SELE: variants seen among roughly 807,000 people sequenced by gnomAD.
The protein encoded by SELE is selectin E.
A neutral mutation model predicts 75.8 loss-of-function variants in SELE; 52 were observed. The observed-to-expected ratio is 0.69, with a 90% CI of 0.55 to 0.86. The LOEUF is 0.86. Among genes scored for constraint, SELE ranks in the 40% least tolerant of loss-of-function variants. The pLI is 0.00. For synonymous variants in SELE, 285 were observed against 258.7 expected, an observed-to-expected ratio of 1.10 and a Z score of -0.98; for missense variants, 754 against 732.7, an observed-to-expected ratio of 1.03 and a Z score of -0.34.
Position 169,724,394 on chromosome 1 carries a change from G to A in SELE, c.*131C>T, listed in dbSNP as rs903781930. On this transcript the variant is annotated 3_prime_UTR_variant, in exon 14 of 14. Transcript: ENST00000333360. Reference sequence around the variant, plus strand: ...CTATTGAAGTGGTGATGGGTGTTGCGGTTTCAGCCATAAAGGCATCTGGCA... The same window carrying A: ...CTATTGAAGTGGTGATGGGTGTTGCAGTTTCAGCCATAAAGGCATCTGGCA... The A allele has an allele frequency of 7.2e-5, 11 of 152,264 alleles. No homozygotes were observed. Among genetic ancestry groups the A allele is most frequent in the South Asian group, 6.2e-4 (3 of 4,824 alleles). The allele number at this position is 152,264 out of a possible 1,614,324, so 9.4% of individuals were successfully genotyped here. A position where few individuals can be genotyped will look rare whatever the true frequency, so the allele number is the denominator to read the frequency against.
Position 169,732,644 on chromosome 1 carries a change from C to T in SELE, c.392G>A (p.Ser131Asn), listed in dbSNP as rs753149508. 29 of 1,607,944 alleles carry T rather than the reference C, an allele frequency of 1.8e-5. No homozygotes were observed. The East Asian group carries it at 5.3e-4, about 30-fold the overall frequency. The change falls in exon 3 of 14, where the codon AGC (serine) becomes AAC (asparagine). Residue 131 changes from serine to asparagine, a missense_variant. Physicochemically the swap from Ser to Asn is conservative, Grantham distance 46. Coordinates refer to ENST00000333360, the MANE Select transcript of SELE (RefSeq NM_000450.2). ...DVGMWNDERCSKKKLALCYTA... is the reference protein window; with the variant it reads ...DVGMWNDERCNKKKLALCYTA... ...GTAGCATAGGGCAAGCTTCTTCTTG[C>T]TGCACCTCTCATCATTCCACATGCC...
rs770008382 is a variant in SELE, at chr1:169,729,496, G to A, written c.893C>T (p.Thr298Met). The change falls in exon 6 of 14, where the codon ACG becomes ATG. Residue 298 changes from threonine (T) to methionine (M), a missense_variant. Physicochemically the swap from Thr to Met is moderately conservative, Grantham distance 81. Transcript: ENST00000333360. ...ATGTGGAACAACTCTACCTTTACAC[G>A]TTGGCTTCTCGTTGTCCCAATTCCC... is the stretch of plus-strand genomic sequence containing the variant. ...SSGNWDNEKP[T>M]CKAVTCRAVR... 17 of 1,613,950 alleles carry A rather than the reference G, an allele frequency of 1.1e-5. No individual in the cohort carries two copies. Among genetic ancestry groups the A allele is most frequent in the East Asian group, 4.5e-5 (2 of 44,900 alleles).
In SELE at chr1:169,728,110, C is replaced by G; in HGVS notation, c.1227G>C (p.Arg409Ser). Residue 409 changes from arginine (R) to serine (S), a missense_variant, in exon 8 of 14, where the codon AGG becomes AGC. By Grantham distance (110) the Arg-to-Ser change is moderately radical. Transcript: ENST00000333360. ...ACTCCCCTGTGGGGCCACATTGGAG[C>G]CTTTTGGATCCCTTCAACACAAAAC... ...EQGFVLKGSK[R>S]LQCGPTGEWD... is the part of the protein sequence containing the mutation. 6.2e-7 allele frequency: 1 copy of G among 1,614,190 alleles called. No individual in the cohort carries two copies. Among genetic ancestry groups the G allele is most frequent in the Admixed American group, 1.7e-5 (1 of 60,030 alleles).
intron 2 of SELE, 58 bp downstream of exon 2, chr1:169,733,518 A>G (rs1648971052): frequency 2.6e-6 from 4 of 1,525,258 alleles, no homozygotes; most frequent in South Asian, 2.2e-5. Context: ...AGGATATTTC[A>G]GTCTGAAATA....
In SELE at chr1:169,732,906, A is replaced by G. The variant is rs549719282; in HGVS notation, c.130T>C (p.Tyr44His). 1.2e-5 allele frequency: 19 copies of G among 1,614,094 alleles called. No homozygotes were observed. In the Admixed American group the frequency reaches 2.5e-4, roughly 21 times the overall value. Residue 44 changes from tyrosine (Y) to histidine (H), a missense_variant, in exon 3 of 14, where the codon TAC becomes CAC. Transcript: ENST00000333360. ...DEASAYCQQR[Y>H]THLVAIQNKE... is the part of the protein sequence containing the mutation. ...TTTTGAATTGCAACCAGGTGTGTGT[A>G]CCTTTGCTGACAATAAGCACTGGCC... is the stretch of plus-strand genomic sequence containing the variant.
rs904578641 is a variant in SELE, at chr1:169,727,293, T to C, written c.1645+56A>G. 5.2e-6 allele frequency: 8 copies of C among 1,550,754 alleles called. No individual in the cohort carries two copies. In the African/African-American group the frequency reaches 9.6e-5, roughly 19 times the overall value. On this transcript the variant is annotated intron_variant, in intron 10 of 13. Coordinates refer to ENST00000333360, the MANE Select transcript of SELE (RefSeq NM_000450.2). ...TGAATAGTTGATTACTGTAACAAGA[T>C]AGCTCCCCCTTTTTCTTTTTAATCA... is the stretch of plus-strand genomic sequence containing the variant.
In SELE at chr1:169,729,626, A is replaced by G. The variant is rs1648860068; in HGVS notation, c.763T>C (p.Cys255Arg). 1 of 1,614,042 alleles carries G rather than the reference A, an allele frequency of 6.2e-7. No homozygotes were observed. The highest frequency in any genetic ancestry group is 1.7e-5 in the Admixed American group (1 of 59,998). ...VTNPANGFVE[C>R]FQNPGSFPWN... ...GGGAAGCTTCCAGGGTTTTGGAAAC[A>G]TTCCACGAACCCATTGGCTGGATTT... Residue 255 changes from cysteine to arginine, a missense_variant, in exon 6 of 14, where the codon TGT (cysteine) becomes CGT (arginine). Transcript: ENST00000333360.
chr1:169,729,176 T>C lies in SELE; in HGVS notation c.1090+10A>G, dbSNP rs1002748426. The C allele has an allele frequency of 6.3e-7, 1 of 1,593,642 alleles. No homozygotes were observed. The highest frequency in any genetic ancestry group is 8.6e-7 in the Non-Finnish European group (1 of 1,168,268). On this transcript the variant is annotated intron_variant, in intron 7 of 13. Transcript: ENST00000333360. ...TTAAGAAAGTATAAATCGAAGGATCTCAAGCTTACCTTCACAAACTGGGAT... is the reference window on the plus strand; with the variant it reads ...TTAAGAAAGTATAAATCGAAGGATCCCAAGCTTACCTTCACAAACTGGGAT...
intron 3 of SELE, 115 bp from the exon 4 acceptor site, chr1:169,732,057 T>C (rs1382476698): frequency 8.1e-6 from 5 of 616,746 alleles, no homozygotes; most frequent in East Asian, 6.2e-5. Context: ...CAGAGTGCCA[T>C]AGACTTTAAC....
chr1:169,733,208 C>T (rs1425562596), intron 2 of SELE, among the ~76,000 whole-genome samples: 1 of 152,196 alleles, frequency 6.6e-6, no homozygotes, highest in East Asian at 1.9e-4. Context: ...ACCTTATCCA[C>T]ACTCACTCAC....
At chr1:169,733,055 T>C in intron 2 of SELE, 57 bp from the exon 3 acceptor site, 1 of 1,465,022 alleles carries the variant, frequency 6.8e-7, no homozygotes, top group Non-Finnish European at 9.0e-7. Flanking sequence ...GGTTTAACTC[T>C]GACAACTGTG....
At position 169,726,729 on chromosome 1, in the gene SELE, G is replaced by A. The variant is rs5355; in HGVS notation, c.1723C>T (p.Leu575Phe). 0.042 allele frequency: 68,298 copies of A among 1,613,330 alleles called. 1,727 individuals are homozygous for A. The highest frequency in any genetic ancestry group is 0.092 in the South Asian group (8,335 of 90,968). ...GLSLLTLAPF[L>F]LWLRKCLRKA... Reference sequence around the variant, plus strand: ...CGTAAGCATTTCCGAAGCCAGAGGAGAAATGGTGCTAATGTCAGGAGGGAG... The same window carrying A: ...CGTAAGCATTTCCGAAGCCAGAGGAAAAATGGTGCTAATGTCAGGAGGGAG... The change falls in exon 11 of 14, where the codon CTC (leucine) becomes TTC (phenylalanine). Residue 575 changes from leucine to phenylalanine, a missense_variant. Leu to Phe is a conservative substitution (Grantham distance 22, BLOSUM62 0). Transcript: ENST00000333360.
intron 5 of SELE, among the ~76,000 whole-genome samples, chr1:169,730,165 A>T (rs1217449710): frequency 6.6e-6 from 1 of 152,140 alleles, no homozygotes; most frequent in African/African-American, 2.4e-5. Context: ...ATCCATTGAG[A>T]TTTCTAGAGC....
chr1:169,724,329 CTT>C lies in SELE; in HGVS notation c.*194_*195del, dbSNP rs1225763819. 1 of 152,198 alleles carries C rather than the reference CTT, an allele frequency of 6.6e-6. No individual in the cohort carries two copies. The highest frequency in any genetic ancestry group is 1.5e-5 in the Non-Finnish European group (1 of 68,042). The allele number at this position is 152,198 out of a possible 1,614,324, so 9.4% of individuals were successfully genotyped here. On this transcript the variant is annotated 3_prime_UTR_variant, in exon 14 of 14. Coordinates refer to ENST00000333360, the MANE Select transcript of SELE (RefSeq NM_000450.2). ...GAGAGTAGGAAAGGGAACACTGAGTCTTTTCAGTTGAAGGCCGTCCTTGCCTG... is the reference window on the plus strand; with the variant it reads ...GAGAGTAGGAAAGGGAACACTGAGTCTTCAGTTGAAGGCCGTCCTTGCCTG...
chr1:169,726,017 C>A lies in SELE; in HGVS notation c.1754-89G>T, dbSNP rs578122733. 2.7e-6 allele frequency: 4 copies of A among 1,456,370 alleles called. No homozygotes were observed. The South Asian group carries it at 3.5e-5, about 13-fold the overall frequency. The allele number at this position is 1,456,370 out of a possible 1,614,324, so 90.2% of individuals were successfully genotyped here. A position where few individuals can be genotyped will look rare whatever the true frequency, so the allele number is the denominator to read the frequency against. ...CCAGATACAATATGACTTAATTCAT[C>A]AAGTGTTGCAAACTCGATGCTTCAG... On this transcript the variant is annotated intron_variant, in intron 11 of 13. Transcript: ENST00000333360.
chr1:169,725,925 T>C lies in SELE; in HGVS notation c.1757A>G (p.Lys586Arg). Reference sequence around the variant, plus strand: ...AACTTACCTGGCAGGAACAAATTTCTTTGCTGCAAAAGAAAAGACAAACAA... The same window carrying C: ...AACTTACCTGGCAGGAACAAATTTCCTTGCTGCAAAAGAAAAGACAAACAA... ...LWLRKCLRKAKKFVPASSCQS... is the reference protein window; with the variant it reads ...LWLRKCLRKARKFVPASSCQS... The change falls in exon 12 of 14, where the codon AAG (lysine) becomes AGG (arginine). Residue 586 changes from lysine to arginine, a missense_variant. By Grantham distance (26) the Lys-to-Arg change is conservative (BLOSUM62 2). Coordinates refer to ENST00000333360, the MANE Select transcript of SELE (RefSeq NM_000450.2). The C allele has an allele frequency of 6.2e-7, 1 of 1,614,008 alleles. No individual in the cohort carries two copies. Among genetic ancestry groups the C allele is most frequent in the Non-Finnish European group, 8.5e-7 (1 of 1,179,940 alleles).
chr1:169,734,004 T>A lies in SELE; in HGVS notation c.-82A>T, dbSNP rs941041875. 1 of 206,272 alleles carries A rather than the reference T, an allele frequency of 4.8e-6. No individual in the cohort carries two copies. The highest frequency in any genetic ancestry group is 1.3e-4 in the East Asian group (1 of 7,608). The allele number at this position is 206,272 out of a possible 1,614,324, so 12.8% of individuals were successfully genotyped here. ...GAAGCAGTTGTTCAAACACAGGATCTCTCAGGTGGGTATCACTGCTGCCTC... is the reference window on the plus strand; with the variant it reads ...GAAGCAGTTGTTCAAACACAGGATCACTCAGGTGGGTATCACTGCTGCCTC... On this transcript the variant is annotated 5_prime_UTR_variant, in exon 1 of 14. Transcript: ENST00000333360.
intron 3 of SELE, 54 bp downstream of exon 3, chr1:169,732,561 G>A (rs1208682935): frequency 1.3e-6 from 2 of 1,509,706 alleles, no homozygotes; most frequent in African/African-American, 1.4e-5. Context: ...CTGTAAATTT[G>A]CCAAGATGCC....
chr1:169,730,520 G>C lies in SELE; in HGVS notation c.627C>G (p.Ser209Arg). 1 of 1,613,812 alleles carries C rather than the reference G, an allele frequency of 6.2e-7. No individual in the cohort carries two copies. Among genetic ancestry groups the C allele is most frequent in the Non-Finnish European group, 8.5e-7 (1 of 1,179,792 alleles). Residue 209 changes from serine to arginine, a missense_variant, in exon 5 of 14, where the codon AGC (serine) becomes AGG (arginine). By Grantham distance (110) the Ser-to-Arg change is moderately radical. Coordinates refer to ENST00000333360, the MANE Select transcript of SELE (RefSeq NM_000450.2). ...TGCTTGGCAGGTAACCCCTATCACAGCTGATAGAGCAGGAAGAATTGTAGC... is the reference window on the plus strand; with the variant it reads ...TGCTTGGCAGGTAACCCCTATCACACCTGATAGAGCAGGAAGAATTGTAGC... ...NFSYNSSCSI[S>R]CDRGYLPSSM...
Sources: gnomAD v4.1 joint callset for allele counts (sites outside exome capture counted in the v4.1 genomes callset) on GRCh38, gnomAD v4.1.1 for gene constraint, MANE v1.5 for transcripts, NCBI Gene and HGNC (gene_info 2026-07-23, HGNC 2026-07-21) for gene names.